DNTT: variants seen among roughly 807,000 people sequenced by gnomAD.
The protein encoded by DNTT is nucleosidetriphosphate:DNA deoxynucleotidylexotransferase.
A neutral mutation model predicts 60.9 loss-of-function variants in DNTT; 47 were observed. That is an observed-to-expected ratio of 0.77 (90% confidence interval 0.61 to 0.98). The LOEUF (loss-of-function observed/expected upper bound fraction) is 0.98. Ranked by LOEUF, DNTT falls within the 50% of genes least tolerant of loss-of-function variation. The pLI, the probability that DNTT is intolerant of heterozygous loss-of-function variation, is 0.00. For missense variants in DNTT, 665 were observed against 627.5 expected (o/e 1.06, Z -0.64); for synonymous variants, 224 against 221.2 (o/e 1.01, Z -0.11).
chr10:96,310,701 T>TAGAC (rs1844705484), intron 1 of DNTT, among the ~76,000 whole-genome samples: 1 of 152,180 alleles, frequency 6.6e-6, no homozygotes, highest in Non-Finnish European at 1.5e-5. Flanking sequence ...AAGCCACGTG[T>TAGAC]AGACCTCAGC....
intron 8 of DNTT, 35 bp from the exon 9 acceptor site, chr10:96,332,316 G>A (rs1461761499): frequency 6.2e-7 from 1 of 1,602,016 alleles, no homozygotes; most frequent in South Asian, 1.1e-5. Flanking sequence ...TTCTTCATCA[G>A]GGCCTTTTCC....
At chr10:96,322,431 C>G (rs1458544464) in intron 4 of DNTT, among the ~76,000 whole-genome samples, 1 of 152,082 alleles carries the variant, frequency 6.6e-6, no homozygotes, top group Non-Finnish European at 1.5e-5. Context: ...CCATTTGTAT[C>G]TTTGTTCCTA....
chr10:96,327,661 G>A (rs1397895159), intron 7 of DNTT, 61 bp downstream of exon 7: 2 of 1,560,124 alleles, frequency 1.3e-6, no homozygotes, highest in African/African-American at 2.7e-5. Flanking sequence ...CCCTGACTTG[G>A]ACAGGCATCT....
chr10:96,314,475 C>T (rs1844761558), intron 1 of DNTT, among the ~76,000 whole-genome samples: 1 of 125,864 alleles, frequency 7.9e-6, no homozygotes, highest in Non-Finnish European at 1.6e-5. Flanking sequence ...TGTAGTGGCA[C>T]AATCTCAACT....
At chr10:96,305,113 C>T (rs1844618723) in intron 1 of DNTT, among the ~76,000 whole-genome samples, 1 of 152,148 alleles carries the variant, frequency 6.6e-6, no homozygotes. Context: ...TTGGTTCTTA[C>T]CTATACATCT....
In DNTT at chr10:96,332,337, C is replaced by G; in HGVS notation, c.1114-14C>G. On this transcript the variant is annotated splice_polypyrimidine_tract_variant and intron_variant, in intron 8 of 10. Coordinates refer to ENST00000371174, the MANE Select transcript of DNTT (RefSeq NM_004088.4). ...ATCAGGGCCTTTTCCTGATGCCATT[C>G]TGTTTCTTTTCAGGGATTACTTTTA... is the stretch of plus-strand genomic sequence containing the variant. 6.2e-7 allele frequency: 1 copy of G among 1,610,054 alleles called. No homozygotes were observed. The highest frequency in any genetic ancestry group is 2.2e-5 in the East Asian group (1 of 44,822).
chr10:96,314,976 G>A lies in DNTT; in HGVS notation c.204-3376G>A, dbSNP rs376867741. ...ATGGGTCTCCTTAGTAATACTGCTC[G>A]GTAAGGGCTCGGAGCTGAAAGTGAA... is the stretch of plus-strand genomic sequence containing the variant. On this transcript the variant is annotated intron_variant, in intron 1 of 10. Transcript: ENST00000371174. 1.4e-4 allele frequency among the ~76,000 whole-genome samples: 21 copies of A among 152,230 alleles called. 1 individual carries two copies. The highest frequency in any genetic ancestry group is 7.8e-4 in the Admixed American group (12 of 15,296).
intron 1 of DNTT, among the ~76,000 whole-genome samples, chr10:96,310,981 C>T (rs1056237792): frequency 1.3e-4 from 20 of 152,024 alleles, no homozygotes; most frequent in Admixed American, 5.9e-4. Flanking sequence ...TCAAAATTTG[C>T]GGCTTTAAAT....
intron 2 of DNTT, among the ~76,000 whole-genome samples, 166 bp from the exon 3 acceptor site, chr10:96,319,096 G>A (rs907126103): frequency 6.6e-6 from 1 of 151,876 alleles, no homozygotes; most frequent in African/African-American, 2.4e-5. Flanking sequence ...AAAATAATAC[G>A]TGTTGATAAT....
rs145575495 is a variant in DNTT at position 96,335,744 on chromosome 10, C to T, written c.1360-147C>T. 1,144 of 845,026 alleles carry T rather than the reference C, an allele frequency of 1.4e-3. 5 individuals are homozygous for T. In the African/African-American group the frequency reaches 0.016, roughly 12 times the overall value. The allele number at this position is 845,026 out of a possible 1,614,324, so 52.3% of individuals were successfully genotyped here. A position where few individuals can be genotyped will look rare whatever the true frequency, so the allele number is the denominator to read the frequency against. ...AGTGTGTTCATGGGAGCACGGACTT[C>T]TGTCACCAGAGAATTTGGCCCTGGG... On this transcript the variant is annotated intron_variant, in intron 9 of 10. Transcript: ENST00000371174.
At chr10:96,322,761 G>T in intron 5 of DNTT, 33 bp downstream of exon 5, 1 of 1,502,262 alleles carries the variant, frequency 6.7e-7, no homozygotes, top group South Asian at 1.2e-5. Context: ...ATTGAAAATT[G>T]TTTTTCAGTT....
At chr10:96,331,230 TA>T (rs1252368875) in intron 8 of DNTT, among the ~76,000 whole-genome samples, 12 of 152,230 alleles carry the variant, frequency 7.9e-5, no homozygotes, top group Non-Finnish European at 1.8e-4. Context: ...GCCCCAAAGT[TA>T]GACTCAGCCT....
At chr10:96,338,054 T>G in intron 10 of DNTT, 84 bp from the exon 11 acceptor site, 1 of 1,229,164 alleles carries the variant, frequency 8.1e-7, no homozygotes, top group Non-Finnish European at 1.1e-6. Flanking sequence ...ACAAGGCAAT[T>G]TTATAAGTAA....
intron 9 of DNTT, 97 bp from the exon 10 acceptor site, chr10:96,335,794 T>C (rs112989500): frequency 4.4e-6 from 6 of 1,360,712 alleles, no homozygotes; most frequent in African/African-American, 4.3e-5. Flanking sequence ...TTGAGAATGT[T>C]TAGTGGAGTT....
chr10:96,336,051 AT>A, intron 10 of DNTT, 77 bp downstream of exon 10: 2 of 1,370,240 alleles, frequency 1.5e-6, no homozygotes, highest in Non-Finnish European at 2.1e-6. Context: ...TCATGGACTG[AT>A]TTTAGTATCC....
chr10:96,321,217 C>T (rs1002655843), intron 4 of DNTT, among the ~76,000 whole-genome samples: 1 of 152,052 alleles, frequency 6.6e-6, no homozygotes, highest in African/African-American at 2.4e-5. Flanking sequence ...TATTAAAAAG[C>T]TTTAGAGCAG....
intron 6 of DNTT, 130 bp from the exon 7 acceptor site, chr10:96,327,338 G>A: frequency 7.5e-7 from 1 of 1,341,098 alleles, no homozygotes; most frequent in Non-Finnish European, 1.1e-6. Flanking sequence ...TGTCTCTGTG[G>A]GAATGGAGTT....
chr10:96,325,422 G>C (rs1031350366), intron 6 of DNTT, among the ~76,000 whole-genome samples: 2 of 152,180 alleles, frequency 1.3e-5, no homozygotes, highest in Non-Finnish European at 2.9e-5. Flanking sequence ...TTAAACATAA[G>C]TAGCAAGTAA....
At position 96,304,603 on chromosome 10, in the gene DNTT, G is replaced by T. The variant is rs1198902831; in HGVS notation, c.106G>T (p.Val36Phe). ...TCAAGACATCAAATTTCAAGATTTG[G>T]TCGTCTTCATTTTGGAGAAGAAAAT... ...SPQDIKFQDL[V>F]VFILEKKMGT... Residue 36 changes from valine to phenylalanine, a missense_variant, in exon 1 of 11, where the codon GTC becomes TTC. Physicochemically the swap from Val to Phe is conservative, Grantham distance 50 (BLOSUM62 -1). Transcript: ENST00000371174. 1 of 1,614,040 alleles carries T rather than the reference G, an allele frequency of 6.2e-7. No individual in the cohort carries two copies. Among genetic ancestry groups the T allele is most frequent in the South Asian group, 1.1e-5 (1 of 91,082 alleles).
Sources: allele counts gnomAD v4.1 joint callset (sites outside exome capture counted in the v4.1 genomes callset), GRCh38; gene constraint gnomAD v4.1.1; transcripts MANE v1.5; gene names NCBI Gene and HGNC (gene_info 2026-07-23, HGNC 2026-07-21).